The following PAK2 variants were observed in gnomAD, a reference collection of about 807,000 sequenced individuals.
PAK2 encodes p21 (RAC1) activated kinase 2.
Under a neutral mutation model 65.9 loss-of-function variants are expected in PAK2, and 21 were observed. The ratio of observed to expected loss-of-function variants is 0.32; its 90% CI spans 0.23 to 0.46. PAK2 has a LOEUF of 0.46. PAK2 is among the 20% of genes least tolerant of loss of function. PAK2 has a pLI of 1.00. For synonymous variants in PAK2, 204 were observed against 219.7 expected (o/e 0.93, Z 0.63); for missense variants, 324 against 642.6 (o/e 0.50, Z 5.36).
chr3:196,803,135 A>G lies in PAK2; in HGVS notation c.407A>G (p.Lys136Arg), dbSNP rs1715472137. Reference protein sequence around the residue: ...VLKFYDSNTVKQKYLSFTPPE... With the variant: ...VLKFYDSNTVRQKYLSFTPPE... ...AAGTTCTACGACTCCAACACAGTGA[A>G]GCAGAAATATCTGAGCTTTACTCCT... Residue 136 changes from lysine to arginine, a missense_variant, in exon 4 of 15, where the codon AAG (lysine) becomes AGG (arginine). By Grantham distance (26) the Lys-to-Arg change is conservative. Transcript: ENST00000327134. 2 of 1,611,272 alleles carry G rather than the reference A, an allele frequency of 1.2e-6. No individual in the cohort carries two copies. Among genetic ancestry groups the G allele is most frequent in the East Asian group, 4.5e-5 (2 of 44,586 alleles).
intron 11 of PAK2, among the ~76,000 whole-genome samples, chr3:196,816,095 A>G (rs1338881576): frequency 6.6e-6 from 1 of 152,112 alleles, no homozygotes; most frequent in Non-Finnish European, 1.5e-5. Flanking sequence ...TGTCATTGAA[A>G]CTTCTAATGT....
intron 13 of PAK2, among the ~76,000 whole-genome samples, chr3:196,822,606 C>T (rs1220816451): frequency 6.6e-6 from 1 of 152,060 alleles, no homozygotes; most frequent in East Asian, 1.9e-4. Flanking sequence ...TGCCCCAGTG[C>T]GTGGGTCACT....
At chr3:196,818,622 T>A (rs1711555209) in intron 12 of PAK2, among the ~76,000 whole-genome samples, 1 of 152,152 alleles carries the variant, frequency 6.6e-6, no homozygotes, top group Non-Finnish European at 1.5e-5. Flanking sequence ...CGCCTCAGCC[T>A]CCCAAAGTGC....
rs1472166078 is a variant in PAK2 at position 196,830,249 on chromosome 3, A to T, written c.*1844A>T. 1 of 152,176 alleles carries T rather than the reference A, an allele frequency of 6.6e-6. No individual in the cohort carries two copies. Among genetic ancestry groups the T allele is most frequent in the Non-Finnish European group, 1.5e-5 (1 of 68,034 alleles). The allele number at this position is 152,176 out of a possible 1,614,324, so 9.4% of individuals were successfully genotyped here. On this transcript the variant is annotated 3_prime_UTR_variant, in exon 15 of 15. Coordinates refer to ENST00000327134, the MANE Select transcript of PAK2 (RefSeq NM_002577.4). The stretch of plus-strand genomic sequence containing the variant: ...AAAAATGAGTAAAATAATTAATGAA[A>T]CATATTTAGAGCACTTAATGGTCTC...
At chr3:196,781,479 G>T (rs1477639743) in intron 1 of PAK2, among the ~76,000 whole-genome samples, 3 of 152,174 alleles carry the variant, frequency 2.0e-5, no homozygotes, top group Non-Finnish European at 2.9e-5. Context: ...CCTGGACAGG[G>T]CATTTACAGG....
intron 1 of PAK2, among the ~76,000 whole-genome samples, chr3:196,773,368 T>C (rs1332853429): frequency 1.3e-5 from 2 of 152,156 alleles, no homozygotes; most frequent in African/African-American, 2.4e-5. Context: ...GGCTAACATA[T>C]AAGATGAACA....
intron 1 of PAK2, among the ~76,000 whole-genome samples, chr3:196,768,490 A>ATG (rs61311787): frequency 0.011 from 1,626 of 143,866 alleles, 47 homozygotes; most frequent in African/African-American, 0.04. Flanking sequence ...TATTTTATTT[A>ATG]TATATGTATG....
chr3:196,749,251 C>T (rs916644224), intron 1 of PAK2, among the ~76,000 whole-genome samples: 5 of 151,966 alleles, frequency 3.3e-5, no homozygotes, highest in Non-Finnish European at 5.9e-5. Context: ...TCAGTTATTT[C>T]GGGTACATAC....
intron 11 of PAK2, among the ~76,000 whole-genome samples, chr3:196,815,891 G>A (rs750736825): frequency 3.6e-4 from 55 of 152,006 alleles, no homozygotes; most frequent in Non-Finnish European, 6.5e-4. Flanking sequence ...GTCTGTGCCT[G>A]GCTTCATTGA....
At chr3:196,746,844 T>C (rs1055885206) in intron 1 of PAK2, among the ~76,000 whole-genome samples, 13 of 144,694 alleles carry the variant, frequency 9.0e-5, no homozygotes, top group East Asian at 5.9e-4. Context: ...TAGGCCTTTA[T>C]GATAACTTCT....
chr3:196,797,489 C>T (rs1715294100), intron 2 of PAK2, among the ~76,000 whole-genome samples: 1 of 151,444 alleles, frequency 6.6e-6, no homozygotes, highest in Non-Finnish European at 1.5e-5. Context: ...CGCAGTGGCT[C>T]ATGCCTGTAA....
intron 1 of PAK2, among the ~76,000 whole-genome samples, chr3:196,782,298 T>TAAA (rs61249904): frequency 4.3e-5 from 6 of 140,708 alleles, no homozygotes; most frequent in African/African-American, 1.6e-4. Context: ...TCTTTGGAAT[T>TAAA]AAAAAAAAAA....
At chr3:196,805,437 G>C in intron 5 of PAK2, 54 bp downstream of exon 5, 1 of 844,546 alleles carries the variant, frequency 1.2e-6, no homozygotes, top group Non-Finnish European at 1.9e-6. Context: ...GGTTACCCAA[G>C]ACAAATCTCA....
intron 1 of PAK2, among the ~76,000 whole-genome samples, chr3:196,747,988 AGTGT>A (rs750923706): frequency 5.5e-4 from 84 of 152,050 alleles, no homozygotes; most frequent in Non-Finnish European, 5.3e-4. Flanking sequence ...CCTGCCCTTC[AGTGT>A]GTTTATTTTC....
Position 196,760,527 on chromosome 3 carries a change from A to T in PAK2, c.-22+20370A>T, listed in dbSNP as rs185226304. ...CAGCCTCCCAAAGTGCTGGGATTAC[A>T]GGTGTGAGCCACCAAGCCTGGACTC... On this transcript the variant is annotated intron_variant, in intron 1 of 14. Coordinates refer to ENST00000327134, the MANE Select transcript of PAK2 (RefSeq NM_002577.4). Among the ~76,000 whole-genome samples the T allele has an allele frequency of 4.9e-3, 744 of 152,310 alleles. 4 individuals carry two copies. Among genetic ancestry groups the T allele is most frequent in the Non-Finnish European group, 7.0e-3 (474 of 68,020 alleles).
chr3:196,777,498 C>G (rs1312602452), intron 1 of PAK2, among the ~76,000 whole-genome samples: 2 of 152,110 alleles, frequency 1.3e-5, no homozygotes, highest in Non-Finnish European at 2.9e-5. Context: ...GCCAACATGC[C>G]CAGCCAAAAA....
intron 1 of PAK2, among the ~76,000 whole-genome samples, chr3:196,763,017 G>A (rs911368980): frequency 1.3e-5 from 2 of 152,040 alleles, no homozygotes; most frequent in African/African-American, 4.8e-5. Context: ...AAGAACATTG[G>A]AATAGCAAAA....
chr3:196,809,411 G>A lies in PAK2; in HGVS notation c.710-1179G>A, dbSNP rs551106667. 1.1e-4 allele frequency among the ~76,000 whole-genome samples: 15 copies of A among 132,728 alleles called. No homozygotes were observed. In the East Asian group the frequency reaches 2.5e-3, roughly 23 times the overall value. The allele number at this position is 132,728 out of a possible 152,430, so 87.1% of individuals were successfully genotyped here. A position where few individuals can be genotyped will look rare whatever the true frequency, so the allele number is the denominator to read the frequency against. ...GTCACCCAGGCTGGAGTGCAGTGGC[G>A]TGGCTCACTGCAATCTCTGCCTCTC... On this transcript the variant is annotated intron_variant, in intron 7 of 14. Transcript: ENST00000327134.
chr3:196,810,535 A>G (rs1407945221), intron 7 of PAK2, 55 bp from the exon 8 acceptor site: 2 of 892,186 alleles, frequency 2.2e-6, no homozygotes, highest in Admixed American at 1.9e-5. Flanking sequence ...ATAATATCAC[A>G]ATCAATTTAC....
Sources: allele counts gnomAD v4.1 joint callset (sites outside exome capture counted in the v4.1 genomes callset), GRCh38; gene constraint gnomAD v4.1.1; transcripts MANE v1.5; gene names NCBI Gene and HGNC (gene_info 2026-07-23, HGNC 2026-07-21).